Variants in ADIPOR2 observed in about 807,000 individuals in gnomAD.
ADIPOR2 encodes the protein adiponectin receptor protein 2.
In ADIPOR2, 18 loss-of-function variants were observed where a neutral mutation model predicts 40.9. The observed-to-expected ratio is 0.44, with a 90% confidence interval of 0.30 to 0.65. The LOEUF (loss-of-function observed/expected upper bound fraction) is 0.65, where lower values mean the gene tolerates loss of function less well. ADIPOR2 is among the 30% of genes least tolerant of loss of function. ADIPOR2 has a pLI of 0.09. For synonymous variants in ADIPOR2, 165 were observed against 166.4 expected (o/e 0.99, Z 0.06); for missense variants, 283 against 479.2 (o/e 0.59, Z 3.82).
intron 1 of ADIPOR2, among the ~76,000 whole-genome samples, chr12:1,706,236 A>C (rs978773494): frequency 6.6e-5 from 10 of 152,210 alleles, no homozygotes; most frequent in African/African-American, 2.4e-4. Context: ...AGTAGAGATA[A>C]TGTTACCTAT....
chr12:1,746,762 G>T (rs1403111969), intron 1 of ADIPOR2, among the ~76,000 whole-genome samples: 1 of 152,212 alleles, frequency 6.6e-6, no homozygotes, highest in Non-Finnish European at 1.5e-5. Flanking sequence ...AGGCATGGTG[G>T]CTCACGCCTA....
intron 6 of ADIPOR2, among the ~76,000 whole-genome samples, chr12:1,782,982 T>TC (rs1565660246): frequency 4.0e-4 from 16 of 40,184 alleles, no homozygotes; most frequent in African/African-American, 1.3e-3. Context: ...CTTTCTTTTT[T>TC]TTTTTTTTTT....
At chr12:1,700,903 AAT>A (rs2094648822) in intron 1 of ADIPOR2, among the ~76,000 whole-genome samples, 2 of 152,114 alleles carry the variant, frequency 1.3e-5, no homozygotes, top group African/African-American at 2.4e-5. Flanking sequence ...TTATTTGGCC[AAT>A]ATATGTTTTT....
intron 1 of ADIPOR2, among the ~76,000 whole-genome samples, chr12:1,741,978 C>T (rs2094743742): frequency 6.6e-6 from 1 of 151,112 alleles, no homozygotes; most frequent in African/African-American, 2.4e-5. Context: ...AATTTTATTA[C>T]CTCTAGGCTG....
intron 1 of ADIPOR2, among the ~76,000 whole-genome samples, chr12:1,694,761 A>G (rs945226232): frequency 1.3e-5 from 2 of 152,242 alleles, no homozygotes; most frequent in Non-Finnish European, 2.9e-5. Flanking sequence ...GTGTGCATAT[A>G]CAAGTAATTA....
At position 1,711,427 on chromosome 12, in the gene ADIPOR2, T is replaced by TTGGGACTTA. The variant is rs1004732821; in HGVS notation, c.-87+20237_-87+20245dup. On this transcript the variant is annotated intron_variant, in intron 1 of 7. Coordinates refer to ENST00000357103, the MANE Select transcript of ADIPOR2 (RefSeq NM_024551.3). ...CTGATTTCCTGGGGCAATGTTAATG[T>TTGGGACTTA]TGGGACTTAGGAAGACTAAGGTGTA... Among the ~76,000 whole-genome samples, 14 of 152,182 alleles carry TTGGGACTTA rather than the reference T, an allele frequency of 9.2e-5. 1 individual carries two copies. The highest frequency in any genetic ancestry group is 3.4e-4 in the African/African-American group (14 of 41,454).
chr12:1,763,543 TC>T (rs1389448475), intron 2 of ADIPOR2, among the ~76,000 whole-genome samples: 1 of 152,220 alleles, frequency 6.6e-6, no homozygotes, highest in Non-Finnish European at 1.5e-5. Context: ...AGAAAAGACT[TC>T]CTCTGTTATA....
intron 1 of ADIPOR2, among the ~76,000 whole-genome samples, chr12:1,740,885 G>A (rs1339859326): frequency 6.6e-6 from 1 of 152,232 alleles, no homozygotes; most frequent in Admixed American, 6.5e-5. Flanking sequence ...AAATTAAACT[G>A]TGTCAAGTGT....
At chr12:1,720,474 G>A (rs1232135903) in intron 1 of ADIPOR2, among the ~76,000 whole-genome samples, 3 of 152,184 alleles carry the variant, frequency 2.0e-5, no homozygotes, top group Non-Finnish European at 1.5e-5. Context: ...GAATCAGTGG[G>A]AGCCCTGAGC....
At chr12:1,752,997 C>T (rs1862034713) in intron 1 of ADIPOR2, among the ~76,000 whole-genome samples, 1 of 152,106 alleles carries the variant, frequency 6.6e-6, no homozygotes, top group African/African-American at 2.4e-5. Flanking sequence ...ACTTCGAAAG[C>T]CCTTGGAGAA....
chr12:1,699,349 C>T (rs138256137), intron 1 of ADIPOR2, among the ~76,000 whole-genome samples: 7 of 152,194 alleles, frequency 4.6e-5, no homozygotes, highest in East Asian at 1.9e-4. Flanking sequence ...TGGGTGCGGT[C>T]GCTCAGGCCT....
chr12:1,769,112 G>C (rs145347416), intron 2 of ADIPOR2, among the ~76,000 whole-genome samples: 1,619 of 152,218 alleles, frequency 0.011, 21 homozygotes, highest in African/African-American at 0.036. Context: ...ACTGTGGTTT[G>C]GTGGCTGTTG....
intron 1 of ADIPOR2, among the ~76,000 whole-genome samples, chr12:1,751,544 G>A (rs2094769117): frequency 1.3e-5 from 2 of 152,050 alleles, no homozygotes. Flanking sequence ...TCTTTGCTTT[G>A]TTACTCAGGC....
chr12:1,754,318 A>C lies in ADIPOR2; in HGVS notation c.-26A>C, dbSNP rs1363296421. 1.9e-6 allele frequency: 3 copies of C among 1,565,196 alleles called. No homozygotes were observed. In the African/African-American group the frequency reaches 4.1e-5, roughly 21 times the overall value. ...GAAGAGGGGACAGAAAGACAGATCT[A>C]TTTGTAAGAAAGGCTTGGGTATCCC... On this transcript the variant is annotated 5_prime_UTR_variant, in exon 2 of 8. Coordinates refer to ENST00000357103, the MANE Select transcript of ADIPOR2 (RefSeq NM_024551.3).
chr12:1,767,641 G>T (rs914805204), intron 2 of ADIPOR2, among the ~76,000 whole-genome samples: 5 of 152,176 alleles, frequency 3.3e-5, no homozygotes, highest in Admixed American at 1.3e-4. Flanking sequence ...AAAATCACCT[G>T]TTGATCAAAC....
rs983776341 is a variant in ADIPOR2, at chr12:1,788,024, CA to C, written c.*1953del. ...GACAGTGGCCATTTGGACAGAAGCC[CA>C]CTTAGTTTCTTGGGAGCAACAGCAC... On this transcript the variant is annotated 3_prime_UTR_variant, in exon 8 of 8. Coordinates refer to ENST00000357103, the MANE Select transcript of ADIPOR2 (RefSeq NM_024551.3). 6.5e-6 allele frequency: 1 copy of C among 152,706 alleles called. No homozygotes were observed. Among genetic ancestry groups the C allele is most frequent in the Non-Finnish European group, 1.5e-5 (1 of 68,100 alleles). 9.5% of individuals were successfully genotyped at this position (152,706 alleles called of 1,614,324 possible). A position where few individuals can be genotyped will look rare whatever the true frequency, so the allele number is the denominator to read the frequency against.
At position 1,773,155 on chromosome 12, in the gene ADIPOR2, G is replaced by T. The variant is rs533334521; in HGVS notation, c.291+194G>T. ...ACATTTGTTGGCTTGTAGTAGCCAT[G>T]ATAAAGCTCTGATAAAACTAGGATA... is the stretch of plus-strand genomic sequence containing the variant. On this transcript the variant is annotated intron_variant, in intron 3 of 7. Coordinates refer to ENST00000357103, the MANE Select transcript of ADIPOR2 (RefSeq NM_024551.3). 2.2e-4 allele frequency among the ~76,000 whole-genome samples: 34 copies of T among 152,312 alleles called. No homozygotes were observed. In the South Asian group the frequency reaches 3.9e-3, roughly 18 times the overall value.
At chr12:1,705,804 A>G (rs1221668046) in intron 1 of ADIPOR2, among the ~76,000 whole-genome samples, 2 of 152,226 alleles carry the variant, frequency 1.3e-5, no homozygotes, top group Non-Finnish European at 2.9e-5. Context: ...AGTGGCTATA[A>G]TGCATTGTTT....
At chr12:1,743,916 G>A (rs2094749117) in intron 1 of ADIPOR2, among the ~76,000 whole-genome samples, 1 of 152,026 alleles carries the variant, frequency 6.6e-6, no homozygotes, top group African/African-American at 2.4e-5. Context: ...TTTATGATCA[G>A]CCTTATATTT....
Sources: allele counts gnomAD v4.1 joint callset (sites outside exome capture counted in the v4.1 genomes callset), GRCh38; gene constraint gnomAD v4.1.1; transcripts MANE v1.5; gene names NCBI Gene and HGNC (gene_info 2026-07-23, HGNC 2026-07-21).